Variants in L2HGDH observed in about 807,000 individuals in gnomAD.
L2HGDH encodes the protein L-2-hydroxyglutarate dehydrogenase, mitochondrial.
In L2HGDH, 34 loss-of-function variants were observed where a neutral mutation model predicts 51.5. That is an observed-to-expected ratio of 0.66 (90% CI 0.50 to 0.88). The LOEUF is 0.88. L2HGDH is among the 40% of genes least tolerant of loss of function. The pLI is 0.00. For missense variants in L2HGDH, 558 were observed against 571.9 expected, an observed-to-expected ratio of 0.98 and a Z score of 0.25; for synonymous variants, 198 against 197.9, an observed-to-expected ratio of 1.00 and a Z score of -0.01.
At chr14:50,295,491 C>T (rs922927156) in intron 3 of L2HGDH, among the ~76,000 whole-genome samples, 10 of 151,958 alleles carry the variant, frequency 6.6e-5, no homozygotes, top group African/African-American at 2.4e-4. Flanking sequence ...CCTGCAGCCT[C>T]GACTTCCCGA....
At chr14:50,255,106 G>C (rs964287600) in intron 9 of L2HGDH, among the ~76,000 whole-genome samples, 1 of 151,950 alleles carries the variant, frequency 6.6e-6, no homozygotes, top group Non-Finnish European at 1.5e-5. Context: ...GTTCAAACAA[G>C]TTTTTAACAT....
chr14:50,260,506 A>T (rs1054136563), intron 9 of L2HGDH, among the ~76,000 whole-genome samples: 4 of 152,210 alleles, frequency 2.6e-5, no homozygotes, highest in Admixed American at 2.6e-4. Flanking sequence ...CAGTTATTAA[A>T]ATTAGCAAAC....
chr14:50,296,883 T>C (rs1248741069), intron 3 of L2HGDH, among the ~76,000 whole-genome samples: 1 of 152,198 alleles, frequency 6.6e-6, no homozygotes, highest in African/African-American at 2.4e-5. Flanking sequence ...AAAATACTAA[T>C]AAACTGAATG....
At chr14:50,277,735 T>C (rs1188258701) in intron 6 of L2HGDH, among the ~76,000 whole-genome samples, 1 of 150,784 alleles carries the variant, frequency 6.6e-6, no homozygotes, top group Admixed American at 6.6e-5. Context: ...ACTGCACCAA[T>C]GGACTCCAGC....
At chr14:50,297,751 C>A (rs569634479) in intron 3 of L2HGDH, among the ~76,000 whole-genome samples, 15 of 152,058 alleles carry the variant, frequency 9.9e-5, no homozygotes, top group South Asian at 6.2e-4. Context: ...AACTAGAAAT[C>A]AATAACAAGA....
intron 9 of L2HGDH, among the ~76,000 whole-genome samples, chr14:50,254,677 G>A (rs1302464328): frequency 6.6e-6 from 1 of 152,024 alleles, no homozygotes; most frequent in Non-Finnish European, 1.5e-5. Flanking sequence ...CAAAAATTAT[G>A]TTCTCAATGT....
At chr14:50,259,430 T>C (rs1198383596) in intron 9 of L2HGDH, among the ~76,000 whole-genome samples, 2 of 149,366 alleles carry the variant, frequency 1.3e-5, no homozygotes, top group Admixed American at 1.3e-4. Flanking sequence ...CTCACTATGT[T>C]GCCAAGGCTG....
rs528661995 is a variant in L2HGDH, at chr14:50,261,954, G to T, written c.1196+3404C>A. Among the ~76,000 whole-genome samples, 17 of 152,286 alleles carry T rather than the reference G, an allele frequency of 1.1e-4. 1 individual carries two copies. The highest frequency in any genetic ancestry group is 3.4e-3 in the Middle Eastern group (1 of 294). On this transcript the variant is annotated intron_variant, in intron 9 of 9. Coordinates refer to ENST00000267436, the MANE Select transcript of L2HGDH (RefSeq NM_024884.3). Reference sequence around the variant, plus strand: ...AAGTCAACCTGGGTGCCCTTCAGTGGTTAATGAAATTTAAGGACACCATCC... The same window carrying T: ...AAGTCAACCTGGGTGCCCTTCAGTGTTTAATGAAATTTAAGGACACCATCC...
rs1378942013 is a variant in L2HGDH at position 50,249,926 on chromosome 14, G to A, written c.1197-2673C>T. 1.1e-4 allele frequency among the ~76,000 whole-genome samples: 12 copies of A among 108,404 alleles called. No homozygotes were observed. The East Asian group carries it at 3.6e-3, about 33-fold the overall frequency. The allele number at this position is 108,404 out of a possible 152,430, so 71.1% of individuals were successfully genotyped here. A position where few individuals can be genotyped will look rare whatever the true frequency, so the allele number is the denominator to read the frequency against. ...TTTTTTTTTTTTTTTTTGTGAGACA[G>A]AGTCTCGCTCTGTTGCCCAGGCTGG... is the stretch of plus-strand genomic sequence containing the variant. On this transcript the variant is annotated intron_variant, in intron 9 of 9. Coordinates refer to ENST00000267436, the MANE Select transcript of L2HGDH (RefSeq NM_024884.3).
chr14:50,251,044 C>T (rs1312584612), intron 9 of L2HGDH, among the ~76,000 whole-genome samples: 1 of 152,128 alleles, frequency 6.6e-6, no homozygotes, highest in Admixed American at 6.5e-5. Flanking sequence ...AGAGACCAAT[C>T]CTGGAGAAAC....
chr14:50,255,109 T>G (rs1768412488), intron 9 of L2HGDH, among the ~76,000 whole-genome samples: 1 of 152,104 alleles, frequency 6.6e-6, no homozygotes. Context: ...CAAACAAGTT[T>G]TTAACATGAA....
chr14:50,292,535 T>G (rs1323121678), intron 4 of L2HGDH, among the ~76,000 whole-genome samples: 1 of 152,030 alleles, frequency 6.6e-6, no homozygotes, highest in Non-Finnish European at 1.5e-5. Context: ...GGAGAAACCC[T>G]GTCTATACGA....
At chr14:50,284,594 T>A (rs1391118858) in intron 4 of L2HGDH, among the ~76,000 whole-genome samples, 1 of 152,228 alleles carries the variant, frequency 6.6e-6, no homozygotes, top group Non-Finnish European at 1.5e-5. Context: ...TTAGAATAAA[T>A]GTTGAACGTG....
intron 4 of L2HGDH, among the ~76,000 whole-genome samples, chr14:50,284,506 T>C (rs959097845): frequency 6.6e-6 from 1 of 152,188 alleles, no homozygotes; most frequent in African/African-American, 2.4e-5. Context: ...TCTGTTTTTG[T>C]CCCTAAAGAC....
chr14:50,293,813 A>G (rs1044130500), intron 4 of L2HGDH, among the ~76,000 whole-genome samples: 4 of 152,162 alleles, frequency 2.6e-5, no homozygotes, highest in East Asian at 1.9e-4. Context: ...CTCATCTCTT[A>G]TATTTCCCTA....
In L2HGDH at chr14:50,302,024, C is replaced by A; in HGVS notation, c.401G>T (p.Cys134Phe). ...TCTAATAAAATGCCATACCTTGCCA[C>A]ACTGCTTGTAGGAAATTCCCTTTTG... ...CQQKGISYKQ[C>F]GKLIVAVEQE... Residue 134 changes from cysteine (C) to phenylalanine (F), a missense_variant, in exon 3 of 10, where the codon TGT (cysteine) becomes TTT (phenylalanine). By Grantham distance (205) the Cys-to-Phe change is radical (BLOSUM62 -2). This residue lies in a region of L2HGDH where 194 missense variants were observed against 187.2 expected (regional missense o/e 1.04). Coordinates refer to ENST00000267436, the MANE Select transcript of L2HGDH (RefSeq NM_024884.3). The A allele has an allele frequency of 6.2e-7, 1 of 1,614,094 alleles. No homozygotes were observed. The highest frequency in any genetic ancestry group is 8.5e-7 in the Non-Finnish European group (1 of 1,180,016).
intron 6 of L2HGDH, among the ~76,000 whole-genome samples, chr14:50,270,753 G>A (rs1463347165): frequency 6.6e-6 from 1 of 152,078 alleles, no homozygotes; most frequent in African/African-American, 2.4e-5. Flanking sequence ...TGATCCACCC[G>A]CCTCGGCCTC....
intron 4 of L2HGDH, among the ~76,000 whole-genome samples, chr14:50,284,432 G>A (rs1009233966): frequency 4.6e-5 from 7 of 152,030 alleles, no homozygotes; most frequent in Non-Finnish European, 8.8e-5. Flanking sequence ...GATTTTATGT[G>A]GTTAACTCAA....
At chr14:50,307,954 G>A (rs1379924946) in intron 1 of L2HGDH, among the ~76,000 whole-genome samples, 1 of 152,034 alleles carries the variant, frequency 6.6e-6, no homozygotes, top group East Asian at 1.9e-4. Flanking sequence ...TGATAAAATG[G>A]ACTTCATCAA....
Sources: gnomAD v4.1 joint callset for allele counts (sites outside exome capture counted in the v4.1 genomes callset) on GRCh38, gnomAD v4.1.1 for gene constraint, gnomAD v4.1.1 regional missense constraint, MANE v1.5 for transcripts, NCBI Gene and HGNC (gene_info 2026-07-23, HGNC 2026-07-21) for gene names.